The following ADCY2 variants were observed in gnomAD, a reference collection of about 807,000 sequenced individuals.
ADCY2 encodes adenylate cyclase type 2.
ADCY2 carries 31 observed loss-of-function variants against 125.2 expected under a neutral mutation model. The observed-to-expected ratio is 0.25, with a 90% confidence interval of 0.19 to 0.33. The LOEUF (loss-of-function observed/expected upper bound fraction) is 0.33, where lower values mean the gene tolerates loss of function less well. Ranked by LOEUF, ADCY2 falls within the 10% of genes least tolerant of loss-of-function variation. ADCY2 has a pLI of 1.00. For synonymous variants in ADCY2, 512 were observed against 548.4 expected (o/e 0.93, Z 0.93); for missense variants, 904 against 1,418.2 (o/e 0.64, Z 5.82).
rs147791570 is a variant in ADCY2 at position 7,541,418 on chromosome 5, C to T, written c.570+20519C>T. On this transcript the variant is annotated intron_variant, in intron 3 of 24. Transcript: ENST00000338316. ...GGAACACATGCTCCTGGTAGACACA[C>T]AGTGGGCTGTTTAATCAGGGGAATG... 9.8e-5 allele frequency among the ~76,000 whole-genome samples: 15 copies of T among 152,346 alleles called. No homozygotes were observed. The East Asian group carries it at 2.9e-3, about 29-fold the overall frequency.
chr5:7,420,139 A>T (rs1056925068), intron 2 of ADCY2, among the ~76,000 whole-genome samples: 4 of 152,166 alleles, frequency 2.6e-5, no homozygotes, highest in African/African-American at 9.7e-5. Context: ...TGCTACTGTC[A>T]TCTCGCGGGC....
chr5:7,536,406 C>T (rs1255453113), intron 3 of ADCY2, among the ~76,000 whole-genome samples: 1 of 152,174 alleles, frequency 6.6e-6, no homozygotes, highest in Non-Finnish European at 1.5e-5. Flanking sequence ...TTGAAACTCT[C>T]ACCTGTGCAG....
At chr5:7,537,465 G>A (rs1734851138) in intron 3 of ADCY2, among the ~76,000 whole-genome samples, 1 of 152,086 alleles carries the variant, frequency 6.6e-6, no homozygotes, top group African/African-American at 2.4e-5. Context: ...CCTTTCAATG[G>A]AGACCCACTT....
intron 14 of ADCY2, among the ~76,000 whole-genome samples, chr5:7,741,960 C>T (rs1742448477): frequency 6.6e-6 from 1 of 151,750 alleles, no homozygotes; most frequent in South Asian, 2.1e-4. Context: ...TCATCATCAT[C>T]AGATAATTTT....
intron 2 of ADCY2, among the ~76,000 whole-genome samples, chr5:7,448,779 C>T (rs759503058): frequency 2.0e-5 from 3 of 152,106 alleles, no homozygotes; most frequent in Admixed American, 1.3e-4. Context: ...CTTCTAGCTC[C>T]GTCTATGTCC....
intron 3 of ADCY2, among the ~76,000 whole-genome samples, chr5:7,580,827 A>C (rs971813595): frequency 6.6e-6 from 1 of 152,256 alleles, no homozygotes; most frequent in African/African-American, 2.4e-5. Flanking sequence ...AAAGATAGCC[A>C]GAGAAAACTG....
chr5:7,697,354 G>C (rs1561172752), intron 6 of ADCY2, among the ~76,000 whole-genome samples: 1 of 152,304 alleles, frequency 6.6e-6, no homozygotes, highest in South Asian at 2.1e-4. Flanking sequence ...TCATTGGTCA[G>C]AGGGGCAGTG....
At chr5:7,673,269 AAT>A (rs1180249627) in intron 4 of ADCY2, among the ~76,000 whole-genome samples, 150 of 3,934 alleles carry the variant, frequency 0.038, 11 homozygotes, top group African/African-American at 0.089. Flanking sequence ...AAAAAAAAAA[AAT>A]ATATATATAT....
At chr5:7,398,610 T>A (rs1739146565) in intron 1 of ADCY2, among the ~76,000 whole-genome samples, 1 of 152,240 alleles carries the variant, frequency 6.6e-6, no homozygotes, top group African/African-American at 2.4e-5. Flanking sequence ...ATGAATCCTG[T>A]CCTTGGCCAT....
intron 3 of ADCY2, among the ~76,000 whole-genome samples, chr5:7,562,712 A>G (rs748652225): frequency 2.0e-5 from 3 of 152,188 alleles, no homozygotes; most frequent in Non-Finnish European, 4.4e-5. Context: ...CAGGTTTCAA[A>G]ATAGCAAAGG....
intron 20 of ADCY2, chr5:7,795,936 C>T (rs769508116): frequency 2.6e-5 from 4 of 152,064 alleles, no homozygotes; most frequent in Admixed American, 6.6e-5. Context: ...ACAAAATGAG[C>T]ACATGCTGTT....
At chr5:7,465,504 C>T (rs1377372424) in intron 2 of ADCY2, among the ~76,000 whole-genome samples, 1 of 152,140 alleles carries the variant, frequency 6.6e-6, no homozygotes, top group Non-Finnish European at 1.5e-5. Context: ...TGATTCACGG[C>T]GTGTGCACAG....
At chr5:7,753,853 A>T (rs1742904433) in intron 15 of ADCY2, among the ~76,000 whole-genome samples, 1 of 152,126 alleles carries the variant, frequency 6.6e-6, no homozygotes, top group African/African-American at 2.4e-5. Flanking sequence ...TGTCCTTGCC[A>T]GCAGCAATGC....
intron 24 of ADCY2, among the ~76,000 whole-genome samples, chr5:7,822,787 G>A (rs766286597): frequency 3.3e-5 from 5 of 152,130 alleles, no homozygotes; most frequent in Admixed American, 6.5e-5. Flanking sequence ...AGAAAGCAGT[G>A]GATTCACGTT....
rs569760936 is a variant in ADCY2, at chr5:7,676,229, T to G, written c.721-14462T>G. The stretch of plus-strand genomic sequence containing the variant: ...TAAGGATCTTCTGCTCTGTCATAAT[T>G]GCTTATATCATATGCAAAGAACATC... On this transcript the variant is annotated intron_variant, in intron 4 of 24. Coordinates refer to ENST00000338316, the MANE Select transcript of ADCY2 (RefSeq NM_020546.3). Among the ~76,000 whole-genome samples the G allele has an allele frequency of 2.0e-5, 3 of 152,344 alleles. No homozygotes were observed. In the East Asian group the frequency reaches 5.8e-4, roughly 29 times the overall value.
At chr5:7,763,985 T>C (rs1261674974) in intron 16 of ADCY2, among the ~76,000 whole-genome samples, 1 of 152,166 alleles carries the variant, frequency 6.6e-6, no homozygotes, top group Admixed American at 6.5e-5. Context: ...TGATATTTAT[T>C]CCCAGCCTGC....
intron 3 of ADCY2, chr5:7,522,307 A>G (rs2126534532): frequency 6.6e-6 from 1 of 152,282 alleles, no homozygotes; most frequent in South Asian, 2.1e-4. Flanking sequence ...CTTATCACAG[A>G]AAGTGTGTAT....
chr5:7,569,636 A>G (rs1350312302), intron 3 of ADCY2, among the ~76,000 whole-genome samples: 1 of 152,108 alleles, frequency 6.6e-6, no homozygotes, highest in Non-Finnish European at 1.5e-5. Context: ...GTTGGAATAT[A>G]CAAGACTTTT....
At chr5:7,547,695 C>T (rs1735192330) in intron 3 of ADCY2, among the ~76,000 whole-genome samples, 4 of 152,212 alleles carry the variant, frequency 2.6e-5, no homozygotes, top group African/African-American at 4.8e-5. Context: ...AGGGTTGACA[C>T]GCAACGTTTT....
Sources: gnomAD v4.1 joint callset for allele counts (sites outside exome capture counted in the v4.1 genomes callset) on GRCh38, gnomAD v4.1.1 for gene constraint, MANE v1.5 for transcripts, NCBI Gene and HGNC (gene_info 2026-07-23, HGNC 2026-07-21) for gene names.